Variants in NCOR2 observed in about 807,000 individuals in gnomAD.
NCOR2 encodes nuclear receptor corepressor 2.
A neutral mutation model predicts 262.9 loss-of-function variants in NCOR2; 81 were observed. The ratio of observed to expected loss-of-function variants is 0.31; its 90% confidence interval spans 0.26 to 0.37. The LOEUF (loss-of-function observed/expected upper bound fraction) is 0.37, where lower values mean the gene tolerates loss of function less well. Among genes scored for constraint, NCOR2 ranks in the 10% least tolerant of loss-of-function variants. NCOR2 has a pLI of 1.00. For synonymous variants in NCOR2, 1,659 were observed against 1,559.3 expected (o/e 1.06, Z -1.51); for missense variants, 3,385 against 3,621.4 (o/e 0.93, Z 1.68).
chr12:124,477,632 C>T (rs1389508253), intron 3 of NCOR2, among the ~76,000 whole-genome samples: 1 of 152,208 alleles, frequency 6.6e-6, no homozygotes, highest in African/African-American at 2.4e-5. Flanking sequence ...TGAACCGACC[C>T]TCAACTGAAA....
intron 1 of NCOR2, among the ~76,000 whole-genome samples, chr12:124,533,054 A>C (rs11057661): frequency 0.13 from 6,572 of 49,960 alleles, 410 homozygotes; most frequent in East Asian, 0.29. Flanking sequence ...CTCCTCCCCC[A>C]CCCCAGTCCC....
At chr12:124,468,186 A>T (rs1593684931) in intron 4 of NCOR2, among the ~76,000 whole-genome samples, 1 of 24,844 alleles carries the variant, frequency 4.0e-5, no homozygotes, top group African/African-American at 2.1e-4. Flanking sequence ...CATCCTCATC[A>T]CCCTCATCCT....
At chr12:124,325,051 G>A (rs1250773207) in exon 47 of NCOR2, 1 of 195,750 alleles carries the variant, frequency 5.1e-6, no homozygotes, top group African/African-American at 2.3e-5. Flanking sequence ...GGGAGGCAGT[G>A]GCGTGGAGGT....
At chr12:124,333,737 G>A (rs1189720180) in intron 41 of NCOR2, among the ~76,000 whole-genome samples, 1 of 151,680 alleles carries the variant, frequency 6.6e-6, no homozygotes, top group Non-Finnish European at 1.5e-5. Context: ...TTGACCCCCA[G>A]AGGCCCCACG....
chr12:124,346,762 T>C (rs2135860276), exon 31 of NCOR2: 1 of 1,558,226 alleles, frequency 6.4e-7, no homozygotes, highest in Non-Finnish European at 8.7e-7. Flanking sequence ...GTGAGGGCGG[T>C]GGGGGCGGAG....
chr12:124,337,158 C>G (rs375846724), exon 38 of NCOR2: 6 of 1,528,482 alleles, frequency 3.9e-6, no homozygotes, highest in Non-Finnish European at 3.5e-6. Context: ...GCCGGGCGAA[C>G]GGGTGAGGAG....
intron 1 of NCOR2, among the ~76,000 whole-genome samples, chr12:124,513,039 A>G (rs1409979450): frequency 6.6e-6 from 1 of 152,180 alleles, no homozygotes; most frequent in Non-Finnish European, 1.5e-5. Flanking sequence ...GGACTCAGCG[A>G]GACCCTGGAA....
chr12:124,372,937 A>G (rs374308329), intron 19 of NCOR2, among the ~76,000 whole-genome samples: 6 of 152,168 alleles, frequency 3.9e-5, no homozygotes, highest in African/African-American at 9.6e-5. Context: ...GCCGTGGGCA[A>G]AGGCCTTCGT....
chr12:124,560,598 C>G (rs527341583), intron 1 of NCOR2, among the ~76,000 whole-genome samples: 15 of 152,310 alleles, frequency 9.8e-5, no homozygotes, highest in African/African-American at 3.4e-4. Flanking sequence ...CGGCGAAAAT[C>G]AAACCTGAAT....
intron 1 of NCOR2, among the ~76,000 whole-genome samples, chr12:124,554,522 T>C (rs949995759): frequency 3.3e-5 from 5 of 152,012 alleles, no homozygotes; most frequent in Admixed American, 6.5e-5. Context: ...ATGTCAAACC[T>C]CATGCTGTGC....
intron 1 of NCOR2, among the ~76,000 whole-genome samples, chr12:124,521,681 G>A (rs897324789): frequency 6.6e-6 from 1 of 152,078 alleles, no homozygotes; most frequent in Admixed American, 6.6e-5. Context: ...AGAAGGGGTG[G>A]GTGCTCAACA....
chr12:124,533,885 A>G (rs701032), intron 1 of NCOR2, among the ~76,000 whole-genome samples: 30,378 of 151,324 alleles, frequency 0.2, 3,402 homozygotes, highest in Non-Finnish European at 0.26. Flanking sequence ...ATGTGGCCTG[A>G]CACACATTTG....
intron 18 of NCOR2, among the ~76,000 whole-genome samples, chr12:124,377,000 C>G (rs1343381496): frequency 6.6e-6 from 1 of 152,198 alleles, no homozygotes; most frequent in Non-Finnish European, 1.5e-5. Context: ...AGTCTAGACC[C>G]CCAGCTTCCC....
At chr12:124,445,733 C>T (rs1565950919) in intron 7 of NCOR2, among the ~76,000 whole-genome samples, 1 of 152,236 alleles carries the variant, frequency 6.6e-6, no homozygotes, top group Admixed American at 6.5e-5. Flanking sequence ...GCCTCCCCTA[C>T]TAGAATGTCA....
exon 11 of NCOR2, chr12:124,426,673 C>A: frequency 6.2e-7 from 1 of 1,608,432 alleles, no homozygotes; most frequent in Non-Finnish European, 8.5e-7. Flanking sequence ...CATGACCTGG[C>A]GGTCTTTGTA....
chr12:124,501,433 T>C (rs1312885401), intron 1 of NCOR2, among the ~76,000 whole-genome samples: 1 of 152,096 alleles, frequency 6.6e-6, no homozygotes, highest in Non-Finnish European at 1.5e-5. Context: ...ATTGTCTCAC[T>C]GTTCTGGAGG....
chr12:124,497,482 C>G (rs1333375915), upstream of NCOR2, among the ~76,000 whole-genome samples: 3 of 152,212 alleles, frequency 2.0e-5, no homozygotes, highest in Admixed American at 6.5e-5. The surrounding 1 kb of genome is among the most constrained non-coding windows in gnomAD (Gnocchi z 4.2). Flanking sequence ...TAGAGATTAC[C>G]CAGGCGACAG....
At chr12:124,441,167 A>G (rs1160967278) in intron 7 of NCOR2, among the ~76,000 whole-genome samples, 2 of 152,244 alleles carry the variant, frequency 1.3e-5, no homozygotes, top group Non-Finnish European at 2.9e-5. Context: ...CTCCAATCCC[A>G]GAAACCGCGC....
intron 13 of NCOR2, among the ~76,000 whole-genome samples, chr12:124,404,102 C>T (rs1292227656): frequency 2.6e-5 from 4 of 152,228 alleles, no homozygotes; most frequent in Non-Finnish European, 5.9e-5. Context: ...CAGGTGAAGC[C>T]TCTTTTGGAG....
Sources: gnomAD v4.1 joint callset for allele counts (sites outside exome capture counted in the v4.1 genomes callset) on GRCh38, gnomAD v4.1.1 for gene constraint, Gnocchi (gnomAD v3.1) non-coding constraint, MANE v1.5 for transcripts, NCBI Gene and HGNC (gene_info 2026-07-23, HGNC 2026-07-21) for gene names.